Variants in TAMM41 observed in about 807,000 individuals in gnomAD.
TAMM41 encodes phosphatidate cytidylyltransferase, mitochondrial.
In TAMM41, 36 loss-of-function variants were observed where a neutral mutation model predicts 44.1. The observed-to-expected ratio is 0.82, with a 90% confidence interval of 0.63 to 1.08. The LOEUF (loss-of-function observed/expected upper bound fraction) is 1.08, where lower values mean the gene tolerates loss of function less well. Ranked by LOEUF, TAMM41 falls within the 50% of genes least tolerant of loss-of-function variation. The pLI is 0.00. For missense variants in TAMM41, 417 were observed against 404.3 expected (o/e 1.03, Z -0.27); for synonymous variants, 164 against 153.1 (o/e 1.07, Z -0.53).
downstream of TAMM41, among the ~76,000 whole-genome samples, chr3:11,787,157 G>C (rs543052613): frequency 6.6e-6 from 1 of 152,200 alleles, no homozygotes; most frequent in Non-Finnish European, 1.5e-5. Context: ...AGTGTCCTGA[G>C]AGAGAGCCGG....
At chr3:11,741,160 A>C in the TAMM41 span, among the ~76,000 whole-genome samples, 6 of 138,054 alleles carry the variant, frequency 4.3e-5, no homozygotes, top group Non-Finnish European at 1.5e-5. Flanking sequence ...CAGAGGTTGC[A>C]GTGAGCTGAG....
the TAMM41 span, among the ~76,000 whole-genome samples, chr3:11,723,365 A>G: frequency 9.9e-5 from 15 of 152,202 alleles, no homozygotes; most frequent in African/African-American, 3.6e-4. Context: ...GCATTGCTTT[A>G]GCTCAGGAGT....
chr3:11,735,048 C>CA, the TAMM41 span, among the ~76,000 whole-genome samples: 1,429 of 107,204 alleles, frequency 0.013, 12 homozygotes, highest in Middle Eastern at 0.039. Context: ...GACTCTGTCT[C>CA]AAAAAAAAAA....
chr3:11,830,931 T>G (rs2078960068), intron 3 of TAMM41: 1 of 151,952 alleles, frequency 6.6e-6, no homozygotes, highest in Non-Finnish European at 1.5e-5. Flanking sequence ...AGATTCTTAC[T>G]TTTAAAGATT....
chr3:11,744,715 G>T, the TAMM41 span, among the ~76,000 whole-genome samples: 1 of 151,376 alleles, frequency 6.6e-6, no homozygotes, highest in African/African-American at 2.4e-5. Flanking sequence ...GAAAAGAAAA[G>T]AAACAGAAAT....
downstream of TAMM41, among the ~76,000 whole-genome samples, chr3:11,787,541 C>T (rs1365691905): frequency 2.0e-5 from 3 of 152,106 alleles, no homozygotes; most frequent in African/African-American, 4.8e-5. Flanking sequence ...ATTTGATATA[C>T]TTAGGGTTGT....
At chr3:11,736,665 G>A in the TAMM41 span, among the ~76,000 whole-genome samples, 41 of 152,258 alleles carry the variant, frequency 2.7e-4, no homozygotes, top group African/African-American at 3.9e-4. Context: ...TACCACAAAC[G>A]TGTGGGCAGG....
Position 11,829,842 on chromosome 3 carries a change from T to A in TAMM41, c.434A>T (p.Glu145Val), listed in dbSNP as rs139110516. The A allele has an allele frequency of 2.5e-6, 4 of 1,614,032 alleles. No individual in the cohort carries two copies. The African/African-American group carries it at 5.3e-5, about 22-fold the overall frequency. Residue 145 changes from glutamate (E) to valine (V), a missense_variant, in exon 4 of 8, where the codon GAG becomes GTG. By Grantham distance (121) the Glu-to-Val change is moderately radical. Coordinates refer to ENST00000455809, the MANE Select transcript of TAMM41 (RefSeq NM_001284401.2). ...QKPVKIISVNEDVTLRSALDR... is the reference protein window; with the variant it reads ...QKPVKIISVNVDVTLRSALDR... The stretch of plus-strand genomic sequence containing the variant: ...GAGGGCTGATCTAAGAGTGACATCC[T>A]CGTTCACTGAGATAATTTTCACCTG...
chr3:11,727,854 T>C, the TAMM41 span, among the ~76,000 whole-genome samples: 2 of 150,958 alleles, frequency 1.3e-5, no homozygotes, highest in African/African-American at 4.9e-5. Context: ...TGGCGCGATC[T>C]CGGCTCACAG....
chr3:11,772,018 C>T, the TAMM41 span, among the ~76,000 whole-genome samples: 6 of 152,154 alleles, frequency 3.9e-5, no homozygotes, highest in South Asian at 1.0e-3. Flanking sequence ...GGTGATTTTC[C>T]AACCCTCACC....
rs572158753 is a variant in TAMM41, at chr3:11,846,053, C to A, written c.135+449G>T. ...AGGTGACTCTCAACAAACTTGGCTG[C>A]GCATTAGAATCACCTGGGACGTTTC... On this transcript the variant is annotated intron_variant, in intron 1 of 7. Transcript: ENST00000455809. Among the ~76,000 whole-genome samples, 16 of 152,344 alleles carry A rather than the reference C, an allele frequency of 1.1e-4. No individual in the cohort carries two copies. The South Asian group carries it at 3.1e-3, about 30-fold the overall frequency.
At chr3:11,767,626 A>ATTTTTTTTTT in the TAMM41 span, among the ~76,000 whole-genome samples, 714 of 60,652 alleles carry the variant, frequency 0.012, 179 homozygotes, top group African/African-American at 0.052. Flanking sequence ...CACGTTGTGC[A>ATTTTTTTTTT]TTTTTTTTTT....
downstream of TAMM41, among the ~76,000 whole-genome samples, chr3:11,785,855 G>A (rs1056691499): frequency 6.6e-6 from 1 of 152,060 alleles, no homozygotes; most frequent in Non-Finnish European, 1.5e-5. Flanking sequence ...CTGAGCTCAA[G>A]CAATCCACCC....
chr3:11,829,505 A>G (rs1252626166), intron 4 of TAMM41, among the ~76,000 whole-genome samples: 1 of 152,228 alleles, frequency 6.6e-6, no homozygotes, highest in Non-Finnish European at 1.5e-5. Context: ...AAACAACAAA[A>G]TTACCCTGGG....
chr3:11,815,072 G>T (rs1037064574), intron 5 of TAMM41, among the ~76,000 whole-genome samples: 1 of 152,154 alleles, frequency 6.6e-6, no homozygotes, highest in Non-Finnish European at 1.5e-5. Flanking sequence ...CCTAGAATTT[G>T]ATATCTAGCC....
At chr3:11,832,896 T>C in intron 3 of TAMM41, 1 of 795,072 alleles carries the variant, frequency 1.3e-6, no homozygotes, top group Non-Finnish European at 1.5e-6. Flanking sequence ...ATTTTCCCAG[T>C]TAACAAAATA....
chr3:11,759,575 A>G, the TAMM41 span, among the ~76,000 whole-genome samples: 4 of 59,816 alleles, frequency 6.7e-5, no homozygotes, highest in South Asian at 9.0e-4. Flanking sequence ...GCATACGGAA[A>G]GCAATTGCTC....
chr3:11,791,522 T>G (rs984574790), intron 7 of TAMM41, among the ~76,000 whole-genome samples: 1 of 152,158 alleles, frequency 6.6e-6, no homozygotes, highest in Non-Finnish European at 1.5e-5. Flanking sequence ...GGCCCAAAGA[T>G]ATGAACAGTC....
At chr3:11,842,629 G>T (rs189316486) in intron 2 of TAMM41, among the ~76,000 whole-genome samples, 11 of 152,198 alleles carry the variant, frequency 7.2e-5, no homozygotes, top group Non-Finnish European at 1.3e-4. Flanking sequence ...GGGAGGCAGA[G>T]ATTGCAATGA....
Sources: gnomAD v4.1 joint callset for allele counts (sites outside exome capture counted in the v4.1 genomes callset) on GRCh38, gnomAD v4.1.1 for gene constraint, MANE v1.5 for transcripts, NCBI Gene and HGNC (gene_info 2026-07-23, HGNC 2026-07-21) for gene names.